The following FNTB variants were observed in gnomAD, a reference collection of about 807,000 sequenced individuals.
FNTB encodes farnesyltransferase, CAAX box, subunit beta.
FNTB carries 27 observed loss-of-function variants against 59.4 expected under a neutral mutation model. That is an observed-to-expected ratio of 0.45 (90% CI 0.34 to 0.63). The LOEUF (loss-of-function observed/expected upper bound fraction) is 0.63, where lower values mean the gene tolerates loss of function less well. FNTB is among the 20% of genes least tolerant of loss of function. The probability of loss-of-function intolerance (pLI) is 0.02; values close to 1 mark genes in which losing one functional copy is unlikely to be tolerated. For missense variants in FNTB, 449 were observed against 559.6 expected (o/e 0.80, Z 1.99); for synonymous variants, 230 against 220.7 (o/e 1.04, Z -0.37).
intron 4 of FNTB, among the ~76,000 whole-genome samples, chr14:65,020,840 T>C (rs2061873398): frequency 6.6e-6 from 1 of 151,574 alleles, no homozygotes; most frequent in Non-Finnish European, 1.5e-5. Flanking sequence ...CAAGTGATTC[T>C]CCTGCCTCAG....
intron 7 of FNTB, among the ~76,000 whole-genome samples, chr14:65,034,172 C>T (rs962065351): frequency 5.9e-5 from 9 of 152,144 alleles, no homozygotes; most frequent in Admixed American, 3.3e-4. Flanking sequence ...TGCACACGTG[C>T]GTTTTGAGTT....
At position 65,027,180 on chromosome 14, in the gene FNTB, G is replaced by A. The variant is rs1285300497; in HGVS notation, c.375-273G>A. Among the ~76,000 whole-genome samples, 1 of 152,332 alleles carries A rather than the reference G, an allele frequency of 6.6e-6. No homozygotes were observed. Among genetic ancestry groups the A allele is most frequent in the South Asian group, 2.1e-4 (1 of 4,834 alleles). The stretch of plus-strand genomic sequence containing the variant: ...CGGGAGACTCTTACCCCATAGCTAC[G>A]AAAGTCGGTTTCTTCCCAGCCTTGT... On this transcript the variant is annotated intron_variant, in intron 4 of 11. Coordinates refer to ENST00000246166, the MANE Select transcript of FNTB (RefSeq NM_002028.4). The surrounding 1 kb of genome is among the most constrained non-coding windows in gnomAD (Gnocchi z 5.7).
chr14:65,005,467 TTC>T (rs764781847), intron 2 of FNTB, among the ~76,000 whole-genome samples: 1 of 129,940 alleles, frequency 7.7e-6, no homozygotes, highest in African/African-American at 3.3e-5. Context: ...CTTTCTTTCT[TTC>T]TTTCTTTCTT....
intron 2 of FNTB, among the ~76,000 whole-genome samples, chr14:65,008,305 G>A (rs2061627670): frequency 6.6e-6 from 1 of 152,140 alleles, no homozygotes; most frequent in Non-Finnish European, 1.5e-5. Context: ...GGGAGGAAGT[G>A]GCTTTGCTCT....
chr14:64,993,244 A>AGTT lies in FNTB; in HGVS notation c.144+6148_144+6149insTTG, dbSNP rs1159217486. On this transcript the variant is annotated intron_variant, in intron 1 of 11. Transcript: ENST00000246166. ...ACAAATTCGAGACAGCCTGGGCAAC[A>AGTT]GGGTGAGACTCCATCTCTAAAAAAA... is the stretch of plus-strand genomic sequence containing the variant. Among the ~76,000 whole-genome samples, 16 of 152,364 alleles carry AGTT rather than the reference A, an allele frequency of 1.1e-4. No homozygotes were observed. The East Asian group carries it at 2.5e-3, about 24-fold the overall frequency.
intron 8 of FNTB, among the ~76,000 whole-genome samples, chr14:65,041,198 G>A (rs747921687): frequency 3.9e-4 from 60 of 152,162 alleles, no homozygotes; most frequent in Non-Finnish European, 6.2e-4. Context: ...CTTCAGTTTC[G>A]TAGAATTAGA....
In FNTB at chr14:65,052,722, A is replaced by G. The variant is rs572139057; in HGVS notation, c.956-516A>G. On this transcript the variant is annotated intron_variant, in intron 9 of 11. Transcript: ENST00000246166. ...TTAGGTAAATTCTTTGAGCTGAGAG[A>G]CAAGTTAGAGAATTCCCTTTGGAGA... Among the ~76,000 whole-genome samples, 143 of 152,360 alleles carry G rather than the reference A, an allele frequency of 9.4e-4. 1 individual carries two copies. The highest frequency in any genetic ancestry group is 3.3e-3 in the African/African-American group (137 of 41,590).
At chr14:65,053,815 C>T (rs1009666454) in intron 10 of FNTB, among the ~76,000 whole-genome samples, 2 of 152,164 alleles carry the variant, frequency 1.3e-5, no homozygotes, top group African/African-American at 4.8e-5. Flanking sequence ...TTGTTACCCA[C>T]CCTCTGTCTT....
chr14:65,013,711 C>A (rs1023764915), intron 3 of FNTB, among the ~76,000 whole-genome samples: 1 of 152,082 alleles, frequency 6.6e-6, no homozygotes, highest in Non-Finnish European at 1.5e-5. Context: ...TCACGCCTGG[C>A]TAATTTTTGT....
rs1025428863 is a variant in FNTB, at chr14:65,047,335, T to G, written c.955+2892T>G. On this transcript the variant is annotated intron_variant, in intron 9 of 11. Coordinates refer to ENST00000246166, the MANE Select transcript of FNTB (RefSeq NM_002028.4). The surrounding 1 kb of genome is among the most constrained non-coding windows in gnomAD (Gnocchi z 5.2). ...ATACCTGATTGGCACTCACAAGGGT[T>G]AGTATGTGGTTGTGTGAATCCAGAC... Among the ~76,000 whole-genome samples the G allele has an allele frequency of 6.6e-6, 1 of 152,252 alleles. No individual in the cohort carries two copies. The highest frequency in any genetic ancestry group is 1.5e-5 in the Non-Finnish European group (1 of 68,050).
rs772690370 is a variant in FNTB at position 65,004,282 on chromosome 14, A to G, written c.178A>G (p.Ser60Gly). Residue 60 changes from serine to glycine, a missense_variant, in exon 2 of 12, where the codon AGT (serine) becomes GGT (glycine). By Grantham distance (56) the Ser-to-Gly change is moderately conservative. Coordinates refer to ENST00000246166, the MANE Select transcript of FNTB (RefSeq NM_002028.4). The stretch of plus-strand genomic sequence containing the variant: ...AGAAGAAAAGATCCAAGAGGTCTTC[A>G]GTTCTTACAAGTTCAACCACCTTGT... ...KVEEKIQEVF[S>G]SYKFNHLVPR... is the part of the protein sequence containing the mutation. 18 of 1,613,150 alleles carry G rather than the reference A, an allele frequency of 1.1e-5. No homozygotes were observed. The highest frequency in any genetic ancestry group is 1.1e-5 in the South Asian group (1 of 90,900).
intron 7 of FNTB, among the ~76,000 whole-genome samples, chr14:65,033,754 A>G (rs958377934): frequency 4.1e-4 from 62 of 152,176 alleles, no homozygotes; most frequent in African/African-American, 1.5e-3. Context: ...CTACTCGGGA[A>G]GCTGAGGCAG....
intron 11 of FNTB, among the ~76,000 whole-genome samples, chr14:65,060,067 G>A (rs1297383011): frequency 9.3e-5 from 14 of 151,226 alleles, no homozygotes; most frequent in Admixed American, 6.6e-5. Flanking sequence ...TCCTGACCTC[G>A]GGTGATCCAT....
rs569537449 is a variant in FNTB, at chr14:65,030,956, T to C, written c.606-1654T>C. Reference sequence around the variant, plus strand: ...CCAAGTAGCTGGGATTACAGGCGTGTGCCACCATGCCCAGCTAATTTTTGT... The same window carrying C: ...CCAAGTAGCTGGGATTACAGGCGTGCGCCACCATGCCCAGCTAATTTTTGT... On this transcript the variant is annotated intron_variant, in intron 6 of 11. Coordinates refer to ENST00000246166, the MANE Select transcript of FNTB (RefSeq NM_002028.4). The surrounding 1 kb of genome is among the most constrained non-coding windows in gnomAD (Gnocchi z 4.5). Among the ~76,000 whole-genome samples the C allele has an allele frequency of 1.3e-4, 19 of 151,890 alleles. No homozygotes were observed. The highest frequency in any genetic ancestry group is 4.1e-4 in the African/African-American group (17 of 41,442).
chr14:65,061,395 G>A lies in FNTB; in HGVS notation c.*83G>A. 2 of 1,574,272 alleles carry A rather than the reference G, an allele frequency of 1.3e-6. No individual in the cohort carries two copies. Among genetic ancestry groups the A allele is most frequent in the Non-Finnish European group, 1.7e-6 (2 of 1,160,620 alleles). ...TACGTTTCAATACATACTGCATTCTGTGCTACACAAGCCTTAGCCTCAGTG... is the reference window on the plus strand; with the variant it reads ...TACGTTTCAATACATACTGCATTCTATGCTACACAAGCCTTAGCCTCAGTG... On this transcript the variant is annotated 3_prime_UTR_variant, in exon 12 of 12. Transcript: ENST00000246166.
intron 1 of FNTB, among the ~76,000 whole-genome samples, chr14:65,002,305 C>G (rs1028314977): frequency 1.3e-5 from 2 of 152,208 alleles, no homozygotes; most frequent in Non-Finnish European, 2.9e-5. Flanking sequence ...ATGCACTCAG[C>G]AAGTCAATAC....
At chr14:64,989,272 CAAAAAAAAAA>C (rs58654871) in intron 1 of FNTB, among the ~76,000 whole-genome samples, 2 of 69,938 alleles carry the variant, frequency 2.9e-5, no homozygotes, top group Admixed American at 3.2e-4. Context: ...CTGTCTCTAC[CAAAAAAAAAA>C]AAAAAAAAAA....
chr14:65,055,292 C>T (rs1041166045), intron 11 of FNTB, among the ~76,000 whole-genome samples: 1 of 152,152 alleles, frequency 6.6e-6, no homozygotes, highest in South Asian at 2.1e-4. Flanking sequence ...TGCTCTGAGC[C>T]TAGACGTGAG....
At chr14:64,988,049 T>C (rs2140030204) in intron 1 of FNTB, among the ~76,000 whole-genome samples, 1 of 152,370 alleles carries the variant, frequency 6.6e-6, no homozygotes, top group African/African-American at 2.4e-5. Context: ...TTGTATTTCC[T>C]ACTTTAAGTT....
Sources: allele counts gnomAD v4.1 joint callset (sites outside exome capture counted in the v4.1 genomes callset), GRCh38; gene constraint gnomAD v4.1.1; non-coding constraint Gnocchi (gnomAD v3.1); transcripts MANE v1.5; gene names NCBI Gene and HGNC (gene_info 2026-07-23, HGNC 2026-07-21).